The following ENDOD1 variants were observed in gnomAD, a reference collection of about 807,000 sequenced individuals.
ENDOD1 encodes endonuclease domain-containing 1 protein.
In ENDOD1, 9 loss-of-function variants were observed where a neutral mutation model predicts 6.5. The observed-to-expected ratio is 1.39, with a 90% CI of 0.84 to 2.43. The LOEUF (loss-of-function observed/expected upper bound fraction) is 2.43. Among genes scored for constraint, ENDOD1 ranks in the 30% most tolerant of loss-of-function variants. The pLI is 0.00. For missense variants in ENDOD1, 648 were observed against 635.5 expected, an observed-to-expected ratio of 1.02 and a Z score of -0.21; for synonymous variants, 255 against 255.2, an observed-to-expected ratio of 1.00 and a Z score of 0.01.
At chr11:95,125,157 C>T (rs1172776915) in intron 1 of ENDOD1, among the ~76,000 whole-genome samples, 1 of 152,136 alleles carries the variant, frequency 6.6e-6, no homozygotes, top group African/African-American at 2.4e-5. Context: ...CTCCAGCATG[C>T]TCCCCCTATG....
intron 1 of ENDOD1, among the ~76,000 whole-genome samples, chr11:95,110,971 A>G (rs1859143578): frequency 6.6e-6 from 1 of 152,208 alleles, no homozygotes; most frequent in Admixed American, 6.5e-5. Context: ...TGAAGATGAC[A>G]TGATTCTAGC....
intron 1 of ENDOD1, among the ~76,000 whole-genome samples, chr11:95,120,302 C>T (rs1368273795): frequency 2.6e-5 from 4 of 152,088 alleles, no homozygotes; most frequent in South Asian, 2.1e-4. Context: ...GTCTCAGAGT[C>T]GCATCTAAGG....
At chr11:95,108,553 A>C (rs1205336353) in intron 1 of ENDOD1, among the ~76,000 whole-genome samples, 1 of 151,772 alleles carries the variant, frequency 6.6e-6, no homozygotes, top group East Asian at 1.9e-4. Context: ...AAAAAAGAAA[A>C]ATGAGCATTC....
chr11:95,110,512 C>T (rs932827768), intron 1 of ENDOD1, among the ~76,000 whole-genome samples: 4 of 152,088 alleles, frequency 2.6e-5, no homozygotes, highest in Non-Finnish European at 4.4e-5. Context: ...GCACAGGATC[C>T]CCCTCCCTGG....
chr11:95,129,824 TAAC>T lies in ENDOD1; in HGVS notation c.*246_*248del. 2.1e-6 allele frequency: 1 copy of T among 474,778 alleles called. No homozygotes were observed. Among genetic ancestry groups the T allele is most frequent in the Non-Finnish European group, 3.8e-6 (1 of 263,808 alleles). The allele number at this position is 474,778 out of a possible 1,614,324, so 29.4% of individuals were successfully genotyped here. On this transcript the variant is annotated 3_prime_UTR_variant, in exon 2 of 2. Transcript: ENST00000278505. ...TATGTGCAAACTCCCAAGCCACTAA[TAAC>T]TTCAGTTATGCACTCTAACACAGAC...
At chr11:95,106,967 G>A (rs1379488956) in intron 1 of ENDOD1, among the ~76,000 whole-genome samples, 1 of 151,908 alleles carries the variant, frequency 6.6e-6, no homozygotes, top group East Asian at 2.0e-4. Context: ...AATTAGTGAT[G>A]TCTCCTTAAT....
intron 1 of ENDOD1, among the ~76,000 whole-genome samples, chr11:95,092,932 G>A (rs782290356): frequency 6.6e-6 from 1 of 152,190 alleles, no homozygotes; most frequent in Non-Finnish European, 1.5e-5. Flanking sequence ...AAGAGGACCC[G>A]CACACAGGGG....
chr11:95,105,189 G>A (rs145597040), intron 1 of ENDOD1, among the ~76,000 whole-genome samples: 1 of 152,296 alleles, frequency 6.6e-6, no homozygotes, highest in African/African-American at 2.4e-5. Flanking sequence ...AACCAACAGG[G>A]TTTAATGAGG....
At chr11:95,127,103 G>A (rs1324811761) in intron 1 of ENDOD1, among the ~76,000 whole-genome samples, 3 of 152,066 alleles carry the variant, frequency 2.0e-5, no homozygotes, top group Admixed American at 6.5e-5. Context: ...AAATACTGCC[G>A]CCCCAGGGCA....
intron 1 of ENDOD1, among the ~76,000 whole-genome samples, chr11:95,125,778 A>C (rs1393489479): frequency 1.3e-5 from 2 of 152,022 alleles, no homozygotes; most frequent in Admixed American, 1.3e-4. Flanking sequence ...TGAACTCATC[A>C]TTTTTTGTGG....
chr11:95,115,116 T>C (rs987445676), intron 1 of ENDOD1, among the ~76,000 whole-genome samples: 13 of 152,080 alleles, frequency 8.5e-5, no homozygotes, highest in African/African-American at 2.9e-4. Flanking sequence ...TCGATTCTTC[T>C]ATGAACACGG....
At chr11:95,109,920 A>T (rs1448548011) in intron 1 of ENDOD1, among the ~76,000 whole-genome samples, 1 of 152,234 alleles carries the variant, frequency 6.6e-6, no homozygotes, top group Non-Finnish European at 1.5e-5. Context: ...CAAGGCTGCC[A>T]GGGTTCATAT....
At chr11:95,103,152 G>A (rs1485344337) in intron 1 of ENDOD1, among the ~76,000 whole-genome samples, 1 of 150,564 alleles carries the variant, frequency 6.6e-6, no homozygotes, top group Non-Finnish European at 1.5e-5. Context: ...CTCTCAGTGA[G>A]TCTAACCATT....
At chr11:95,112,188 A>G (rs1203585847) in intron 1 of ENDOD1, among the ~76,000 whole-genome samples, 1 of 152,196 alleles carries the variant, frequency 6.6e-6, no homozygotes, top group Non-Finnish European at 1.5e-5. Flanking sequence ...GACTTTTGGC[A>G]TGACCCTAGA....
At chr11:95,100,217 A>T (rs1274052953) in intron 1 of ENDOD1, among the ~76,000 whole-genome samples, 6 of 152,136 alleles carry the variant, frequency 3.9e-5, no homozygotes, top group Admixed American at 1.3e-4. Flanking sequence ...CTAGGGCCCA[A>T]GTTCCCATCA....
intron 1 of ENDOD1, among the ~76,000 whole-genome samples, chr11:95,127,275 A>G (rs1028000950): frequency 1.3e-5 from 2 of 152,218 alleles, no homozygotes; most frequent in African/African-American, 4.8e-5. Context: ...TTGTCCTTTC[A>G]GATAAGATGA....
chr11:95,092,631 GT>G (rs1555109976), intron 1 of ENDOD1, among the ~76,000 whole-genome samples: 1 of 152,154 alleles, frequency 6.6e-6, no homozygotes, highest in Non-Finnish European at 1.5e-5. Flanking sequence ...TCCCTGCAAG[GT>G]GGCTGGCCTC....
At position 95,130,433 on chromosome 11, in the gene ENDOD1, T is replaced by C. The variant is rs529965606; in HGVS notation, c.*854T>C. ...AGTAGGTGCTGCAGATCCAAGGACA[T>C]CTTTTGTCCAGCTTGGATTAACTTG... On this transcript the variant is annotated 3_prime_UTR_variant, in exon 2 of 2. Coordinates refer to ENST00000278505, the MANE Select transcript of ENDOD1 (RefSeq NM_015036.3). 6.6e-6 allele frequency: 1 copy of C among 152,246 alleles called. No individual in the cohort carries two copies. Among genetic ancestry groups the C allele is most frequent in the East Asian group, 1.9e-4 (1 of 5,182 alleles). 9.4% of individuals were successfully genotyped at this position (152,246 alleles called of 1,614,324 possible).
intron 1 of ENDOD1, among the ~76,000 whole-genome samples, chr11:95,093,627 C>G (rs1299843201): frequency 1.3e-5 from 2 of 152,170 alleles, no homozygotes; most frequent in East Asian, 1.9e-4. Context: ...TCCTAGTGCC[C>G]AGCTTATAGA....
Sources: allele counts gnomAD v4.1 joint callset (sites outside exome capture counted in the v4.1 genomes callset), GRCh38; gene constraint gnomAD v4.1.1; transcripts MANE v1.5; gene names NCBI Gene and HGNC (gene_info 2026-07-23, HGNC 2026-07-21).